NKAIN3: variants seen among roughly 807,000 people sequenced by gnomAD.
The protein encoded by NKAIN3 is sodium/potassium transporting ATPase interacting 3, also known as sodium/potassium-transporting ATPase subunit beta-1-interacting protein 3.
Under a neutral mutation model 30.2 loss-of-function variants are expected in NKAIN3, and 25 were observed. That is an observed-to-expected ratio of 0.83 (90% CI 0.60 to 1.16). The LOEUF (loss-of-function observed/expected upper bound fraction) is 1.16, where lower values mean the gene tolerates loss of function less well. NKAIN3 is among the 50% of genes most tolerant of loss of function. The pLI is 0.00. For missense variants in NKAIN3, 225 were observed against 254.1 expected (o/e 0.89, Z 0.78); for synonymous variants, 91 against 89.6 (o/e 1.02, Z -0.09).
At position 62,864,240 on chromosome 8, in the gene NKAIN3, T is replaced by G. The variant is rs902744315; in HGVS notation, c.472-54213T>G. ...AGAAGTGAAACTAAAAACAGCAGGA[T>G]TAGAGGAGGCGGCCGAGGCAGACGG... On this transcript the variant is annotated intron_variant, in intron 4 of 6. Transcript: ENST00000623646. The G allele has an allele frequency of 9.4e-5, 74 of 789,058 alleles. No homozygotes were observed. The East Asian group carries it at 1.5e-3, about 16-fold the overall frequency. 48.9% of individuals were successfully genotyped at this position (789,058 alleles called of 1,614,324 possible). A position where few individuals can be genotyped will look rare whatever the true frequency, so the allele number is the denominator to read the frequency against.
At chr8:62,340,859 G>T (rs1815718363) in intron 1 of NKAIN3, among the ~76,000 whole-genome samples, 1 of 151,940 alleles carries the variant, frequency 6.6e-6, no homozygotes, top group Non-Finnish European at 1.5e-5. Flanking sequence ...CAGGAAGAGG[G>T]CTTAGGGGAG....
intron 1 of NKAIN3, among the ~76,000 whole-genome samples, chr8:62,495,578 T>C (rs1166720936): frequency 1.3e-5 from 2 of 149,590 alleles, no homozygotes; most frequent in Non-Finnish European, 3.0e-5. Flanking sequence ...ATAAATATAA[T>C]ATAAAATTTA....
Position 62,763,221 on chromosome 8 carries a change from C to CAAAAAAAA in NKAIN3, c.471+16125_471+16132dup, listed in dbSNP as rs55873861. On this transcript the variant is annotated intron_variant, in intron 4 of 6. Coordinates refer to ENST00000623646, the MANE Select transcript of NKAIN3 (RefSeq NM_001304533.3). Reference sequence around the variant, plus strand: ...GGGCAACAAGTGCGAGACTCCGTCTCAAAAAAAAAAAAAAAAAAAAAAAAA... The same window carrying CAAAAAAAA: ...GGGCAACAAGTGCGAGACTCCGTCTCAAAAAAAAAAAAAAAAAAAAAAAAAAAAAAAAA... Among the ~76,000 whole-genome samples the CAAAAAAAA allele has an allele frequency of 3.0e-4, 14 of 47,190 alleles. 1 individual carries two copies. Among genetic ancestry groups the CAAAAAAAA allele is most frequent in the Admixed American group, 6.5e-4 (2 of 3,054 alleles). 31.0% of individuals were successfully genotyped at this position (47,190 alleles called of 152,430 possible).
At chr8:62,328,683 T>TA (rs1179371082) in intron 1 of NKAIN3, among the ~76,000 whole-genome samples, 1 of 152,148 alleles carries the variant, frequency 6.6e-6, no homozygotes, top group African/African-American at 2.4e-5. Context: ...ATTTTACCTC[T>TA]CTACATTCTC....
intron 1 of NKAIN3, among the ~76,000 whole-genome samples, chr8:62,558,754 T>G (rs1448211684): frequency 6.6e-6 from 1 of 152,174 alleles, no homozygotes; most frequent in Admixed American, 6.5e-5. Context: ...TTTTTCTAGG[T>G]TTTTCAGGTG....
At chr8:62,724,646 C>A (rs1815197740) in intron 3 of NKAIN3, among the ~76,000 whole-genome samples, 1 of 152,016 alleles carries the variant, frequency 6.6e-6, no homozygotes, top group Non-Finnish European at 1.5e-5. Flanking sequence ...TCTTTTTGTG[C>A]CTGGCTTATT....
intron 1 of NKAIN3, among the ~76,000 whole-genome samples, chr8:62,522,263 A>G (rs986429366): frequency 2.0e-5 from 3 of 152,184 alleles, no homozygotes; most frequent in Admixed American, 2.0e-4. Context: ...TGTAGCCATC[A>G]TGACATCATG....
intron 1 of NKAIN3, among the ~76,000 whole-genome samples, chr8:62,298,480 GC>G (rs749182180): frequency 6.6e-5 from 10 of 152,042 alleles, no homozygotes; most frequent in Non-Finnish European, 1.3e-4. Flanking sequence ...AAGATGGTAA[GC>G]CCCAGTCCAC....
chr8:62,502,020 C>T (rs1446419725), intron 1 of NKAIN3, among the ~76,000 whole-genome samples: 1 of 152,122 alleles, frequency 6.6e-6, no homozygotes, highest in Non-Finnish European at 1.5e-5. Context: ...CAGAGAGCTG[C>T]CCACCATGTG....
intron 3 of NKAIN3, among the ~76,000 whole-genome samples, chr8:62,605,859 CAA>C (rs2130166193): frequency 6.6e-6 from 1 of 151,962 alleles, no homozygotes; most frequent in African/African-American, 2.4e-5. Flanking sequence ...GTAATAGAAA[CAA>C]ATTTTCTATT....
chr8:62,724,972 G>C (rs1178076930), intron 3 of NKAIN3, among the ~76,000 whole-genome samples: 1 of 151,776 alleles, frequency 6.6e-6, no homozygotes, highest in Non-Finnish European at 1.5e-5. Context: ...TCTCCACAGT[G>C]GTTGTGATAA....
intron 4 of NKAIN3, among the ~76,000 whole-genome samples, chr8:62,775,554 C>T (rs1175874907): frequency 3.3e-5 from 5 of 151,940 alleles, no homozygotes; most frequent in Non-Finnish European, 2.9e-5. Flanking sequence ...TATAAACTGT[C>T]CTCTTAGTAC....
chr8:62,925,556 A>C (rs985942079), intron 5 of NKAIN3, among the ~76,000 whole-genome samples: 4 of 152,214 alleles, frequency 2.6e-5, no homozygotes, highest in Admixed American at 1.3e-4. Context: ...CCTGCACCCC[A>C]GAGGGGGTTC....
downstream of NKAIN3, among the ~76,000 whole-genome samples, chr8:62,988,714 C>T (rs1824256524): frequency 6.6e-6 from 1 of 152,224 alleles, no homozygotes; most frequent in African/African-American, 2.4e-5. Context: ...GGAGGGGCAG[C>T]TATGAAGATC....
chr8:62,638,645 T>C (rs1187196676), intron 3 of NKAIN3, among the ~76,000 whole-genome samples: 1 of 152,152 alleles, frequency 6.6e-6, no homozygotes, highest in Non-Finnish European at 1.5e-5. Context: ...CTTATTAGTA[T>C]TGCTGATGCT....
At chr8:62,426,837 T>C (rs1355210299) in intron 1 of NKAIN3, among the ~76,000 whole-genome samples, 1 of 152,018 alleles carries the variant, frequency 6.6e-6, no homozygotes, top group East Asian at 1.9e-4. Context: ...CCATGTCAAG[T>C]TGTTATCTCA....
intron 1 of NKAIN3, chr8:62,344,934 C>T (rs1188131627): frequency 5.9e-6 from 2 of 340,744 alleles, no homozygotes; most frequent in African/African-American, 4.3e-5. Context: ...TTTTCCAGTA[C>T]AATCCAATAT....
At chr8:62,899,053 T>C (rs187222224) in intron 4 of NKAIN3, among the ~76,000 whole-genome samples, 2 of 152,270 alleles carry the variant, frequency 1.3e-5, no homozygotes, top group Admixed American at 1.3e-4. Flanking sequence ...CCAGTTAAAA[T>C]GGCTTATATC....
chr8:62,453,662 T>A (rs1437246591), intron 1 of NKAIN3, among the ~76,000 whole-genome samples: 2 of 151,878 alleles, frequency 1.3e-5, no homozygotes, highest in African/African-American at 4.8e-5. Context: ...AGAGAAAGTT[T>A]AAATAAACAC....
Sources: allele counts gnomAD v4.1 joint callset (sites outside exome capture counted in the v4.1 genomes callset), GRCh38; gene constraint gnomAD v4.1.1; transcripts MANE v1.5; gene names NCBI Gene and HGNC (gene_info 2026-07-23, HGNC 2026-07-21).